Variants in RBFOX3 observed in about 807,000 individuals in gnomAD.
RBFOX3 encodes RNA binding protein fox-1 homolog 3.
Under a neutral mutation model 48.7 loss-of-function variants are expected in RBFOX3, and 17 were observed. The ratio of observed to expected loss-of-function variants is 0.35; its 90% CI spans 0.24 to 0.52. The LOEUF is 0.52. Among genes scored for constraint, RBFOX3 ranks in the 20% least tolerant of loss-of-function variants. The pLI, the probability that RBFOX3 is intolerant of heterozygous loss-of-function variation, is 0.94. For synonymous variants in RBFOX3, 212 were observed against 209.5 expected, an observed-to-expected ratio of 1.01 and a Z score of -0.10; for missense variants, 382 against 497.5, an observed-to-expected ratio of 0.77 and a Z score of 2.21.
chr17:79,658,981 T>C, the RBFOX3 span, among the ~76,000 whole-genome samples: 2 of 152,218 alleles, frequency 1.3e-5, no homozygotes, highest in South Asian at 4.1e-4. Flanking sequence ...GGTTTGTTTC[T>C]TGTTTATATC....
the RBFOX3 span, among the ~76,000 whole-genome samples, chr17:79,654,429 GC>G: frequency 6.6e-6 from 1 of 152,238 alleles, no homozygotes; most frequent in Non-Finnish European, 1.5e-5. Context: ...AATGAAAGAA[GC>G]ATTAGAAAAG....
At chr17:79,175,572 C>A (rs1431622106) in intron 4 of RBFOX3, among the ~76,000 whole-genome samples, 2 of 152,222 alleles carry the variant, frequency 1.3e-5, no homozygotes, top group African/African-American at 4.8e-5. Flanking sequence ...TCCAGGCGGT[C>A]CAGGGCCTGG....
chr17:79,651,015 G>A, the RBFOX3 span, among the ~76,000 whole-genome samples: 8 of 152,190 alleles, frequency 5.3e-5, no homozygotes, highest in Non-Finnish European at 1.0e-4. Flanking sequence ...CTCCGCCAGC[G>A]CCATCCAGGC....
At chr17:79,094,018 C>CA (rs2074603122) in intron 14 of RBFOX3, among the ~76,000 whole-genome samples, 1 of 152,154 alleles carries the variant, frequency 6.6e-6, no homozygotes. Context: ...GGGGCTGCAG[C>CA]AGTGCGGGTG....
intron 4 of RBFOX3, among the ~76,000 whole-genome samples, chr17:79,154,333 T>C (rs945468979): frequency 6.6e-6 from 1 of 152,184 alleles, no homozygotes; most frequent in African/African-American, 2.4e-5. Context: ...CTGCCTGAAG[T>C]GGGTTCTGCT....
rs2078402665 is a variant in RBFOX3, at chr17:79,479,112, GC to G, written c.-175+3341del. The stretch of plus-strand genomic sequence containing the variant: ...CAAAAGCTCCTGCAGGCTTTTCCCT[GC>G]CCGGGTTTCTCCATCACTGTTCTCC... On this transcript the variant is annotated intron_variant, in intron 2 of 14. Transcript: ENST00000693108. This position sits in a 1 kb window ranked among gnomAD's most constrained non-coding sequence, Gnocchi z 5.1. Among the ~76,000 whole-genome samples the G allele has an allele frequency of 6.6e-5, 10 of 152,182 alleles. No individual in the cohort carries two copies. Among genetic ancestry groups the G allele is most frequent in the Admixed American group, 5.9e-4 (9 of 15,282 alleles).
intron 3 of RBFOX3, among the ~76,000 whole-genome samples, chr17:79,305,259 C>G (rs575101614): frequency 6.6e-6 from 1 of 152,172 alleles, no homozygotes; most frequent in South Asian, 2.1e-4. Context: ...GGGCTTGGAA[C>G]CCTGCGGCCG....
intron 6 of RBFOX3, among the ~76,000 whole-genome samples, chr17:79,106,094 C>T (rs2146638395): frequency 6.6e-6 from 1 of 152,348 alleles, no homozygotes; most frequent in East Asian, 1.9e-4. Flanking sequence ...CTTCACTTCC[C>T]ATTGACTGTG....
At chr17:79,592,327 T>C (rs1369345091) in intron 1 of RBFOX3, among the ~76,000 whole-genome samples, 1 of 150,828 alleles carries the variant, frequency 6.6e-6, no homozygotes, top group Admixed American at 6.6e-5. Context: ...TGTATGTGTG[T>C]GGTGTGTGAA....
intron 1 of RBFOX3, among the ~76,000 whole-genome samples, chr17:79,547,026 G>A (rs1224216335): frequency 6.6e-6 from 1 of 152,238 alleles, no homozygotes; most frequent in Admixed American, 6.5e-5. Context: ...GGGACGAAAA[G>A]GGAAGGTGGG....
intron 5 of RBFOX3, among the ~76,000 whole-genome samples, chr17:79,114,411 A>G (rs532578646): frequency 6.6e-6 from 1 of 152,256 alleles, no homozygotes; most frequent in East Asian, 1.9e-4. Context: ...CAGGGAGGAA[A>G]GGCACCGCCT....
intron 2 of RBFOX3, among the ~76,000 whole-genome samples, chr17:79,396,157 C>T (rs1295235153): frequency 2.0e-5 from 3 of 152,234 alleles, no homozygotes; most frequent in Non-Finnish European, 1.5e-5. Flanking sequence ...GCCTCCAAAA[C>T]CTGCCTCCCA....
At chr17:79,426,297 G>A (rs984514843) in intron 2 of RBFOX3, among the ~76,000 whole-genome samples, 14 of 152,208 alleles carry the variant, frequency 9.2e-5, no homozygotes, top group Admixed American at 6.5e-4. Context: ...GAGGATGGCT[G>A]TCGCAGGTGC....
chr17:79,572,884 C>T (rs1395558506), intron 1 of RBFOX3, among the ~76,000 whole-genome samples: 1 of 152,172 alleles, frequency 6.6e-6, no homozygotes, highest in Non-Finnish European at 1.5e-5. Flanking sequence ...CCACCCTCAC[C>T]CCATGCAGGC....
chr17:79,161,249 G>C (rs1350866924), intron 4 of RBFOX3, among the ~76,000 whole-genome samples: 2 of 152,178 alleles, frequency 1.3e-5, no homozygotes, highest in African/African-American at 4.8e-5. Flanking sequence ...AGTGAGCCAA[G>C]GAAGGGGCCG....
At chr17:79,330,914 C>T (rs1035003095) in intron 2 of RBFOX3, among the ~76,000 whole-genome samples, 1 of 152,234 alleles carries the variant, frequency 6.6e-6, no homozygotes, top group Non-Finnish European at 1.5e-5. Context: ...TCGGCCACGT[C>T]TCGCTGTGTT....
intron 3 of RBFOX3, among the ~76,000 whole-genome samples, chr17:79,281,137 C>A (rs916594814): frequency 6.6e-6 from 1 of 152,250 alleles, no homozygotes; most frequent in Non-Finnish European, 1.5e-5. Context: ...ACCTTGGGAG[C>A]TTCGCGTGTC....
intron 2 of RBFOX3, among the ~76,000 whole-genome samples, chr17:79,351,617 G>A (rs2083956688): frequency 6.6e-6 from 1 of 152,102 alleles, no homozygotes; most frequent in Non-Finnish European, 1.5e-5. Context: ...TGTGCCTGTT[G>A]GCCATTTGTA....
At chr17:79,150,863 C>T (rs905621603) in intron 4 of RBFOX3, among the ~76,000 whole-genome samples, 3 of 152,158 alleles carry the variant, frequency 2.0e-5, no homozygotes, top group African/African-American at 4.8e-5. Flanking sequence ...TCAGTGTCCC[C>T]GTGTGCGCAA....
Sources: allele counts gnomAD v4.1 joint callset (sites outside exome capture counted in the v4.1 genomes callset), GRCh38; gene constraint gnomAD v4.1.1; non-coding constraint Gnocchi (gnomAD v3.1); transcripts MANE v1.5; gene names NCBI Gene and HGNC (gene_info 2026-07-23, HGNC 2026-07-21).